Variants in WNT7B observed in about 807,000 individuals in gnomAD.
WNT7B encodes the protein protein Wnt-7b.
Under a neutral mutation model 38.2 loss-of-function variants are expected in WNT7B, and 19 were observed. That is an observed-to-expected ratio of 0.50 (90% CI 0.35 to 0.73). The LOEUF is 0.73. WNT7B is among the 30% of genes least tolerant of loss of function. WNT7B has a pLI of 0.01. For synonymous variants in WNT7B, 243 were observed against 209.3 expected, an observed-to-expected ratio of 1.16 and a Z score of -1.39; for missense variants, 423 against 507.9, an observed-to-expected ratio of 0.83 and a Z score of 1.61.
chr22:45,953,820 C>T (rs143053271), intron 1 of WNT7B, among the ~76,000 whole-genome samples: 2 of 152,042 alleles, frequency 1.3e-5, no homozygotes, highest in South Asian at 2.1e-4. Flanking sequence ...ACGATAGGAG[C>T]GGACAATGGT....
intron 1 of WNT7B, among the ~76,000 whole-genome samples, chr22:45,954,243 C>T (rs191841924): frequency 1.3e-5 from 2 of 152,002 alleles, no homozygotes; most frequent in African/African-American, 4.8e-5. Context: ...AGGTGATTGC[C>T]AGGGCTGGGA....
At chr22:45,932,595 C>G (rs957347277) in intron 2 of WNT7B, among the ~76,000 whole-genome samples, 2 of 152,210 alleles carry the variant, frequency 1.3e-5, no homozygotes, top group Admixed American at 1.3e-4. Context: ...CCAGGCCAGG[C>G]CCTGTGCATC....
chr22:45,972,190 C>A, intron 1 of WNT7B: 1 of 633,044 alleles, frequency 1.6e-6, no homozygotes, highest in Non-Finnish European at 2.9e-6. Flanking sequence ...GAAAGATCTG[C>A]GGGCAATAGA....
chr22:45,929,729 CATCCACCCACCG>C (rs1358606032), intron 3 of WNT7B, among the ~76,000 whole-genome samples: 1 of 148,876 alleles, frequency 6.7e-6, no homozygotes, highest in African/African-American at 2.6e-5. Flanking sequence ...TCCACTCACC[CATCCACCCACCG>C]ATCCATCCTT....
At chr22:45,972,211 C>T (rs1313071066) in intron 1 of WNT7B, 3 of 649,480 alleles carry the variant, frequency 4.6e-6, no homozygotes, top group African/African-American at 1.9e-5. Flanking sequence ...CGGAGACGAG[C>T]GCGCTGCGCG....
At chr22:45,927,565 C>G (rs1264492567) in intron 3 of WNT7B, 1 of 1,247,516 alleles carries the variant, frequency 8.0e-7, no homozygotes, top group East Asian at 2.5e-5. Flanking sequence ...CTGGGTTGTC[C>G]AAGTAGGCCC....
In WNT7B at chr22:45,950,149, G is replaced by C. The variant is rs1231622297; in HGVS notation, c.72-3C>G. On this transcript the variant is annotated splice_polypyrimidine_tract_variant and splice_region_variant and intron_variant, in intron 1 of 3. Coordinates refer to ENST00000339464, the MANE Select transcript of WNT7B (RefSeq NM_058238.3). ...GGGCCACCACGGATGACAGTGCTCT[G>C]TGGAGGGGAGGAGACAGAGGCCGTG... is the stretch of plus-strand genomic sequence containing the variant. 6.2e-7 allele frequency: 1 copy of C among 1,612,350 alleles called. No homozygotes were observed. Among genetic ancestry groups the C allele is most frequent in the African/African-American group, 1.3e-5 (1 of 74,934 alleles).
chr22:45,941,509 C>CAAA (rs1166391533), intron 2 of WNT7B, among the ~76,000 whole-genome samples: 4 of 79,272 alleles, frequency 5.0e-5, no homozygotes, highest in African/African-American at 7.1e-5. Flanking sequence ...GCCTTTGTCT[C>CAAA]AAAAAAAAAA....
At chr22:45,930,972 C>T (rs909450825) in intron 3 of WNT7B, 126 bp downstream of exon 3, 23 of 1,337,958 alleles carry the variant, frequency 1.7e-5, no homozygotes, top group Non-Finnish European at 2.3e-5. Context: ...CCCAGACGGC[C>T]CCACCCCCTG....
At chr22:45,925,274 G>A in intron 3 of WNT7B, 1 of 985,420 alleles carries the variant, frequency 1.0e-6, no homozygotes. Context: ...TGGGTGCCGG[G>A]TGGGCCCTAG....
At chr22:45,962,047 C>T (rs541713253) in intron 1 of WNT7B, among the ~76,000 whole-genome samples, 18 of 152,278 alleles carry the variant, frequency 1.2e-4, no homozygotes, top group Middle Eastern at 3.4e-3. Context: ...TGCTCCCTCG[C>T]GCCCCCGGCG....
chr22:45,972,108 C>CGGGGGGTGG, intron 1 of WNT7B: 5 of 579,204 alleles, frequency 8.6e-6, no homozygotes, highest in African/African-American at 2.0e-5. Flanking sequence ...GCTGGAGGCC[C>CGGGGGGTGG]GGGGGGAGCC....
chr22:45,975,732 A>G lies in WNT7B; in HGVS notation c.71+952T>C. The G allele has an allele frequency of 2.3e-6, 1 of 429,272 alleles. No individual in the cohort carries two copies. The highest frequency in any genetic ancestry group is 3.6e-5 in the East Asian group (1 of 27,628). 26.6% of individuals were successfully genotyped at this position (429,272 alleles called of 1,614,324 possible). Reference sequence around the variant, plus strand: ...CTCGCCTCGGGGCAGCCGGCGGCGCACAGTAGGCGCGCAGGGCGCGGCGGG... The same window carrying G: ...CTCGCCTCGGGGCAGCCGGCGGCGCGCAGTAGGCGCGCAGGGCGCGGCGGG... On this transcript the variant is annotated intron_variant, in intron 1 of 3. Transcript: ENST00000339464. The surrounding 1 kb of genome is among the most constrained non-coding windows in gnomAD (Gnocchi z 6.6).
chr22:45,974,648 G>C (rs1263733393), intron 1 of WNT7B, among the ~76,000 whole-genome samples: 1 of 152,098 alleles, frequency 6.6e-6, no homozygotes. Flanking sequence ...AGGGGCCCTG[G>C]GTGGGGCCTG....
intron 3 of WNT7B, chr22:45,925,562 C>T (rs1360297612): frequency 1.0e-6 from 1 of 985,198 alleles, no homozygotes; most frequent in Non-Finnish European, 1.2e-6. Context: ...ATTGGGACCT[C>T]CTCCCTGCCT....
chr22:45,925,653 TC>T, intron 3 of WNT7B: 1 of 985,306 alleles, frequency 1.0e-6, no homozygotes, highest in Non-Finnish European at 1.2e-6. Flanking sequence ...GAAAAGCCCT[TC>T]CCTCCACTAA....
At chr22:45,940,443 G>A (rs1931617469) in intron 2 of WNT7B, among the ~76,000 whole-genome samples, 1 of 152,142 alleles carries the variant, frequency 6.6e-6, no homozygotes, top group Non-Finnish European at 1.5e-5. Context: ...GCCTGTGCCA[G>A]CCTCTTGACA....
intron 1 of WNT7B, among the ~76,000 whole-genome samples, chr22:45,956,660 G>C (rs975527064): frequency 3.3e-5 from 5 of 152,236 alleles, no homozygotes; most frequent in African/African-American, 4.8e-5. Context: ...CCAGGCGTCT[G>C]TCAACAGGAG....
At chr22:45,954,095 T>G (rs73888727) in intron 1 of WNT7B, among the ~76,000 whole-genome samples, 4,561 of 152,254 alleles carry the variant, frequency 0.03, 233 homozygotes, top group African/African-American at 0.1. Context: ...AGCAAAGCAC[T>G]GGGTCATGCC....
Sources: gnomAD v4.1 joint callset for allele counts (sites outside exome capture counted in the v4.1 genomes callset) on GRCh38, gnomAD v4.1.1 for gene constraint, Gnocchi (gnomAD v3.1) non-coding constraint, MANE v1.5 for transcripts, NCBI Gene and HGNC (gene_info 2026-07-23, HGNC 2026-07-21) for gene names.